The following TTC27 variants were observed in gnomAD, a reference collection of about 807,000 sequenced individuals.
The protein encoded by TTC27 is tetratricopeptide repeat protein 27.
In TTC27, 79 loss-of-function variants were observed where a neutral mutation model predicts 115.9. That is an observed-to-expected ratio of 0.68 (90% CI 0.57 to 0.82). The LOEUF (loss-of-function observed/expected upper bound fraction) is 0.82. TTC27 is among the 40% of genes least tolerant of loss of function. TTC27 has a pLI of 0.00. For synonymous variants in TTC27, 401 were observed against 356.0 expected (o/e 1.13, Z -1.42); for missense variants, 1,054 against 993.1 (o/e 1.06, Z -0.82).
chr2:32,732,943 A>G (rs1042536257), intron 10 of TTC27, among the ~76,000 whole-genome samples: 10 of 152,210 alleles, frequency 6.6e-5, no homozygotes, highest in South Asian at 2.1e-4. Flanking sequence ...ATAAGTGTAT[A>G]ATACCAGAAA....
chr2:32,777,806 C>T lies in TTC27; in HGVS notation c.1681-76C>T. 3 of 1,358,212 alleles carry T rather than the reference C, an allele frequency of 2.2e-6. 1 individual carries two copies. Among genetic ancestry groups the T allele is most frequent in the South Asian group, 2.4e-5 (2 of 83,724 alleles). 84.1% of individuals were successfully genotyped at this position (1,358,212 alleles called of 1,614,324 possible). A position where few individuals can be genotyped will look rare whatever the true frequency, so the allele number is the denominator to read the frequency against. On this transcript the variant is annotated intron_variant, in intron 13 of 19. Transcript: ENST00000317907. ...TTTCTAGGAGTGTGTTTGTTGATAG[C>T]ATCTTAATAATTTTCAGATTACATT...
chr2:32,781,433 T>C (rs557177305), intron 14 of TTC27, among the ~76,000 whole-genome samples: 14 of 152,316 alleles, frequency 9.2e-5, no homozygotes, highest in Non-Finnish European at 1.3e-4. Flanking sequence ...CCGCCATTTT[T>C]TAAAAAAATT....
At chr2:32,662,496 G>T (rs531170574) in intron 5 of TTC27, among the ~76,000 whole-genome samples, 1 of 152,216 alleles carries the variant, frequency 6.6e-6, no homozygotes, top group South Asian at 2.1e-4. Flanking sequence ...TTTAGTCTTG[G>T]GAGGGTGTAT....
chr2:32,661,162 G>T (rs935468796), intron 5 of TTC27, among the ~76,000 whole-genome samples: 10 of 152,130 alleles, frequency 6.6e-5, no homozygotes, highest in Non-Finnish European at 1.5e-5. Flanking sequence ...TGCTGTTTTG[G>T]TTACTGTAGC....
chr2:32,724,197 A>G (rs1230287536), intron 10 of TTC27, among the ~76,000 whole-genome samples: 1 of 152,054 alleles, frequency 6.6e-6, no homozygotes. Context: ...TAGGGAAGGC[A>G]TAAGAGCTTG....
intron 5 of TTC27, among the ~76,000 whole-genome samples, chr2:32,662,617 C>T (rs111900664): frequency 0.013 from 2,038 of 151,888 alleles, 40 homozygotes; most frequent in African/African-American, 0.047. Flanking sequence ...TGGTGATATC[C>T]CCTTTATCAT....
chr2:32,762,192 A>T (rs575351488), intron 13 of TTC27, among the ~76,000 whole-genome samples: 6 of 152,244 alleles, frequency 3.9e-5, no homozygotes, highest in African/African-American at 1.4e-4. Flanking sequence ...GACAGGTAGG[A>T]CTAGAATAGG....
chr2:32,646,532 A>G (rs1214647257), intron 4 of TTC27, among the ~76,000 whole-genome samples: 2 of 151,550 alleles, frequency 1.3e-5, no homozygotes, highest in African/African-American at 4.8e-5. Context: ...ACTAGTAGAA[A>G]AATAGGCTAT....
At chr2:32,710,245 G>T (rs949500364) in intron 10 of TTC27, among the ~76,000 whole-genome samples, 9 of 152,016 alleles carry the variant, frequency 5.9e-5, no homozygotes, top group African/African-American at 9.7e-5. Context: ...CTTCTTAATA[G>T]AAATAGTGCT....
At chr2:32,688,686 A>G (rs1006438325) in intron 9 of TTC27, among the ~76,000 whole-genome samples, 2 of 152,120 alleles carry the variant, frequency 1.3e-5, no homozygotes, top group African/African-American at 2.4e-5. Context: ...CATCAGAGAA[A>G]TGCAAATTAA....
At chr2:32,798,925 A>C (rs540148027) in intron 16 of TTC27, among the ~76,000 whole-genome samples, 29 of 152,300 alleles carry the variant, frequency 1.9e-4, no homozygotes, top group Admixed American at 3.9e-4. Context: ...TCTCAAAGAG[A>C]AATGTGTATA....
At chr2:32,780,246 G>A in intron 14 of TTC27, 2 of 287,330 alleles carry the variant, frequency 7.0e-6, no homozygotes, top group Non-Finnish European at 1.5e-5. Context: ...GTGAATAAGG[G>A]GAGTACTGCC....
At chr2:32,803,861 G>T (rs900859916) in intron 16 of TTC27, among the ~76,000 whole-genome samples, 2 of 152,058 alleles carry the variant, frequency 1.3e-5, no homozygotes, top group Non-Finnish European at 2.9e-5. Flanking sequence ...CAAAGAATTA[G>T]CCAGGTGTGG....
chr2:32,803,467 C>G (rs1671027996), intron 16 of TTC27, among the ~76,000 whole-genome samples: 1 of 152,212 alleles, frequency 6.6e-6, no homozygotes, highest in Non-Finnish European at 1.5e-5. Flanking sequence ...ATCTGTGAAC[C>G]TTAGCACCTA....
At chr2:32,815,224 T>C (rs961030857) in intron 18 of TTC27, among the ~76,000 whole-genome samples, 1 of 41,462 alleles carries the variant, frequency 2.4e-5, no homozygotes, top group Non-Finnish European at 4.3e-5. Flanking sequence ...CTGCTTCAGA[T>C]TTTTTTTTTT....
At chr2:32,640,154 A>T in intron 3 of TTC27, 116 bp from the exon 4 acceptor site, 1 of 958,338 alleles carries the variant, frequency 1.0e-6, no homozygotes. Flanking sequence ...TGTGTAATAT[A>T]TTAATGCTTT....
At chr2:32,805,588 A>G (rs1259991092) in intron 16 of TTC27, among the ~76,000 whole-genome samples, 1 of 152,216 alleles carries the variant, frequency 6.6e-6, no homozygotes, top group Non-Finnish European at 1.5e-5. Flanking sequence ...GTAGGGAGGT[A>G]TCAAGAGCTG....
At chr2:32,797,173 C>CAAA (rs61136534) in intron 16 of TTC27, among the ~76,000 whole-genome samples, 4 of 80,526 alleles carry the variant, frequency 5.0e-5, no homozygotes, top group African/African-American at 1.8e-4. Flanking sequence ...AACTCTGTCT[C>CAAA]AAAAAAAAAA....
chr2:32,701,175 A>G (rs1006476838), intron 9 of TTC27, among the ~76,000 whole-genome samples: 4 of 152,188 alleles, frequency 2.6e-5, no homozygotes, highest in Non-Finnish European at 5.9e-5. Flanking sequence ...ATACACTGCC[A>G]TGTAGGGAGT....
Sources: gnomAD v4.1 joint callset for allele counts (sites outside exome capture counted in the v4.1 genomes callset) on GRCh38, gnomAD v4.1.1 for gene constraint, MANE v1.5 for transcripts, NCBI Gene and HGNC (gene_info 2026-07-23, HGNC 2026-07-21) for gene names.